Variants in CNTNAP3 observed in about 807,000 individuals in gnomAD.
CNTNAP3 encodes the protein contactin associated protein family member 3.
Under a neutral mutation model 92.1 loss-of-function variants are expected in CNTNAP3, and 36 were observed. The ratio of observed to expected loss-of-function variants is 0.39; its 90% CI spans 0.30 to 0.52. The LOEUF is 0.52. Ranked by LOEUF, CNTNAP3 falls within the 20% of genes least tolerant of loss-of-function variation. CNTNAP3 has a pLI of 0.76. For missense variants in CNTNAP3, 534 were observed against 1,069.6 expected, an observed-to-expected ratio of 0.50 and a Z score of 6.98; for synonymous variants, 232 against 422.3, an observed-to-expected ratio of 0.55 and a Z score of 5.53.
At position 39,159,629 on chromosome 9, in the gene CNTNAP3, G is replaced by T. The variant is rs1030495324; in HGVS notation, c.1477+6304C>A. 23 of 136,220 alleles carry T rather than the reference G, an allele frequency of 1.7e-4. 1 individual carries two copies. Among genetic ancestry groups the T allele is most frequent in the African/African-American group, 6.5e-4 (22 of 33,864 alleles). The allele number at this position is 136,220 out of a possible 1,614,324, so 8.4% of individuals were successfully genotyped here. ...TTACAGGCGTGGGCCACCACGCCTG[G>T]AGATAGATAGATAGATAGATAGATA... On this transcript the variant is annotated intron_variant, in intron 9 of 23. Transcript: ENST00000297668.
At chr9:39,213,998 T>C (rs9407154) in intron 3 of CNTNAP3, among the ~76,000 whole-genome samples, 7,224 of 10,644 alleles carry the variant, frequency 0.68, 3,243 homozygotes, top group East Asian at 1. Flanking sequence ...CTTTCAACTG[T>C]GTAATTTTTT....
intron 21 of CNTNAP3, among the ~76,000 whole-genome samples, chr9:39,083,838 A>T (rs1826005156): frequency 6.6e-6 from 1 of 151,842 alleles, no homozygotes; most frequent in Non-Finnish European, 1.5e-5. Context: ...AAAGCTATAT[A>T]GAAAATTCAA....
chr9:39,107,781 G>A (rs1826642964), intron 15 of CNTNAP3, among the ~76,000 whole-genome samples: 1 of 152,154 alleles, frequency 6.6e-6, no homozygotes, highest in Non-Finnish European at 1.5e-5. Flanking sequence ...AGTCCCAGAT[G>A]CAGAGAATCC....
intron 18 of CNTNAP3, among the ~76,000 whole-genome samples, chr9:39,089,793 T>C (rs1362895261): frequency 2.6e-5 from 4 of 152,208 alleles, no homozygotes; most frequent in Non-Finnish European, 4.4e-5. Context: ...GTGACTTTGA[T>C]TGCCTACTGG....
At chr9:39,122,247 C>T (rs552386415) in intron 13 of CNTNAP3, among the ~76,000 whole-genome samples, 394 of 152,260 alleles carry the variant, frequency 2.6e-3, no homozygotes, top group African/African-American at 8.6e-3. Flanking sequence ...CCCAGCTACT[C>T]GGGAGGCTGA....
At position 39,109,312 on chromosome 9, in the gene CNTNAP3, T is replaced by C. The variant is rs769027898; in HGVS notation, c.2238-25A>G. The C allele has an allele frequency of 5.0e-6, 8 of 1,609,874 alleles. No homozygotes were observed. In the African/African-American group the frequency reaches 8.0e-5, roughly 16 times the overall value. On this transcript the variant is annotated intron_variant, in intron 14 of 23. Coordinates refer to ENST00000297668, the MANE Select transcript of CNTNAP3 (RefSeq NM_033655.5). The stretch of plus-strand genomic sequence containing the variant: ...CCTAAAGAACAACAACCGAAACCAT[T>C]AAAATTATTCTGATTAACATACGGG...
chr9:39,125,577 T>A (rs1330973894), intron 13 of CNTNAP3, among the ~76,000 whole-genome samples: 1 of 152,254 alleles, frequency 6.6e-6, no homozygotes, highest in Non-Finnish European at 1.5e-5. Context: ...CACCTACATG[T>A]TGTCTACTGA....
At chr9:39,096,442 C>T (rs2872936) in intron 18 of CNTNAP3, among the ~76,000 whole-genome samples, 6 of 151,988 alleles carry the variant, frequency 3.9e-5, no homozygotes, top group East Asian at 3.9e-4. Flanking sequence ...AATAGTTGTA[C>T]GTTATTTATG....
intron 18 of CNTNAP3, among the ~76,000 whole-genome samples, chr9:39,089,085 G>C (rs1008951680): frequency 2.6e-5 from 4 of 152,082 alleles, no homozygotes; most frequent in African/African-American, 9.7e-5. Flanking sequence ...ATGTCTTTTA[G>C]TATATTTGCA....
At chr9:39,145,986 A>G (rs1821688763) in intron 10 of CNTNAP3, among the ~76,000 whole-genome samples, 1 of 150,082 alleles carries the variant, frequency 6.7e-6, no homozygotes, top group South Asian at 2.1e-4. Context: ...ACAAATTTTA[A>G]AAAACATTAA....
In CNTNAP3 at chr9:39,132,943, G is replaced by C. The variant is rs768452630; in HGVS notation, c.2069C>G (p.Pro690Arg). ...LALRCGTARR[P>R]DSRDGTPLSW... ...GGAGTGGCGCTTACCTCGTGAGTCC[G>C]GGCGCCGCGCCGTCCCGCAGCGCAG... Residue 690 changes from proline to arginine, a missense_variant, in exon 13 of 24, where the codon CCG (proline) becomes CGG (arginine). Physicochemically the swap from Pro to Arg is moderately radical, Grantham distance 103. Transcript: ENST00000297668. 15 of 1,545,390 alleles carry C rather than the reference G, an allele frequency of 9.7e-6. No individual in the cohort carries two copies. Among genetic ancestry groups the C allele is most frequent in the Middle Eastern group, 4.6e-4 (2 of 4,394 alleles).
chr9:39,093,028 TTGGCTCTCTA>T (rs1248095873), intron 18 of CNTNAP3, among the ~76,000 whole-genome samples: 1 of 144,342 alleles, frequency 6.9e-6, no homozygotes, highest in Non-Finnish European at 1.5e-5. Context: ...TATAGTCCCT[TTGGCTCTCTA>T]GGGTTACTCT....
intron 14 of CNTNAP3, among the ~76,000 whole-genome samples, chr9:39,117,055 C>T (rs1424552971): frequency 1.1e-4 from 16 of 152,026 alleles, no homozygotes; most frequent in African/African-American, 1.9e-4. Context: ...TGCAGTGGCG[C>T]GATCTCGGCT....
At chr9:39,168,300 A>G (rs1018954989) in intron 8 of CNTNAP3, among the ~76,000 whole-genome samples, 2 of 151,084 alleles carry the variant, frequency 1.3e-5, no homozygotes, top group East Asian at 3.9e-4. Flanking sequence ...TACAGGCGTG[A>G]GCCACCACAC....
At chr9:39,082,219 T>G (rs1020460937) in intron 21 of CNTNAP3, among the ~76,000 whole-genome samples, 1 of 152,098 alleles carries the variant, frequency 6.6e-6, no homozygotes, top group South Asian at 2.1e-4. Flanking sequence ...GACTACCACA[T>G]AGGACAGCAC....
At chr9:39,147,485 A>G (rs2118126374) in intron 10 of CNTNAP3, among the ~76,000 whole-genome samples, 1 of 152,316 alleles carries the variant, frequency 6.6e-6, no homozygotes, top group African/African-American at 2.4e-5. Flanking sequence ...AAATAATCTC[A>G]GAGGAGCTAG....
chr9:39,090,133 G>A (rs1826157322), intron 18 of CNTNAP3, among the ~76,000 whole-genome samples: 1 of 152,236 alleles, frequency 6.6e-6, no homozygotes, highest in African/African-American at 2.4e-5. Context: ...TAGAGATGGG[G>A]TTTCACTGTG....
intron 21 of CNTNAP3, among the ~76,000 whole-genome samples, chr9:39,081,844 C>T (rs1165329097): frequency 2.0e-5 from 3 of 149,874 alleles, no homozygotes; most frequent in Non-Finnish European, 3.0e-5. Flanking sequence ...TTTGGGAGGC[C>T]GAGGTGGGCG....
intron 14 of CNTNAP3, among the ~76,000 whole-genome samples, chr9:39,112,051 T>C (rs1826760146): frequency 7.4e-6 from 1 of 135,508 alleles, no homozygotes; most frequent in African/African-American, 3.2e-5. Flanking sequence ...TCTTTTCTAT[T>C]ATTTTCTAAA....
Sources: allele counts gnomAD v4.1 joint callset (sites outside exome capture counted in the v4.1 genomes callset), GRCh38; gene constraint gnomAD v4.1.1; transcripts MANE v1.5; gene names NCBI Gene and HGNC (gene_info 2026-07-23, HGNC 2026-07-21).